Variants in CAPN5 observed in about 807,000 individuals in gnomAD.
CAPN5 encodes calpain-5.
Under a neutral mutation model 73.0 loss-of-function variants are expected in CAPN5, and 54 were observed. The observed-to-expected ratio is 0.74, with a 90% confidence interval of 0.59 to 0.93. The LOEUF is 0.93. Ranked by LOEUF, CAPN5 falls within the 40% of genes least tolerant of loss-of-function variation. The pLI, the probability that CAPN5 is intolerant of heterozygous loss-of-function variation, is 0.00. For synonymous variants in CAPN5, 335 were observed against 356.9 expected (o/e 0.94, Z 0.69); for missense variants, 785 against 882.9 (o/e 0.89, Z 1.41).
At chr11:77,086,158 C>T (rs1437758518) in intron 2 of CAPN5, among the ~76,000 whole-genome samples, 1 of 152,174 alleles carries the variant, frequency 6.6e-6, no homozygotes, top group African/African-American at 2.4e-5. Flanking sequence ...GTAGTGAGGT[C>T]CCGCGAAGGC....
At chr11:77,081,656 G>C (rs1354902724) in intron 1 of CAPN5, among the ~76,000 whole-genome samples, 1 of 152,194 alleles carries the variant, frequency 6.6e-6, no homozygotes, top group Non-Finnish European at 1.5e-5. Context: ...GTGAGGTAAT[G>C]CGGCCTGCTC....
At position 77,122,012 on chromosome 11, in the gene CAPN5, T is replaced by C. The variant is rs781932053; in HGVS notation, c.1566T>C (p.His522=). The change falls in exon 11 of 13, where the codon CAT becomes CAC. Residue 522 remains histidine (H), a synonymous_variant. Coordinates refer to ENST00000648180, the MANE Select transcript of CAPN5 (RefSeq NM_004055.5). ...ACCCCCAGCTGGTGACCCAGGTACA[T>C]GTCCTGGGAGCTGCTGGCCTCAAGG... ...CGYPQLVTQV[H]VLGAAGLKDS... The C allele has an allele frequency of 2.6e-6, 4 of 1,561,032 alleles. No individual in the cohort carries two copies. The African/African-American group carries it at 4.1e-5, about 16-fold the overall frequency.
chr11:77,068,270 G>A (rs563451738), intron 1 of CAPN5, among the ~76,000 whole-genome samples: 1 of 152,116 alleles, frequency 6.6e-6, no homozygotes, highest in Admixed American at 6.5e-5. Flanking sequence ...CTGCAGGCCA[G>A]GTCAGGCTAG....
intron 3 of CAPN5, among the ~76,000 whole-genome samples, chr11:77,109,065 G>A (rs1950383376): frequency 6.6e-6 from 1 of 152,202 alleles, no homozygotes; most frequent in Admixed American, 6.5e-5. Flanking sequence ...AGCTCCAGAA[G>A]CTCATACGGT....
intron 10 of CAPN5, among the ~76,000 whole-genome samples, chr11:77,121,137 A>G (rs1950517036): frequency 6.6e-6 from 1 of 152,212 alleles, no homozygotes; most frequent in Admixed American, 6.5e-5. Flanking sequence ...ACAGTTGACA[A>G]AGAAGCTTTC....
intron 2 of CAPN5, among the ~76,000 whole-genome samples, chr11:77,089,698 C>T (rs528469352): frequency 6.6e-6 from 1 of 152,164 alleles, no homozygotes; most frequent in Non-Finnish European, 1.5e-5. Flanking sequence ...CATAGTGAAA[C>T]CCTGTCTCTA....
chr11:77,088,488 G>A (rs1332238607), intron 2 of CAPN5, among the ~76,000 whole-genome samples: 1 of 152,120 alleles, frequency 6.6e-6, no homozygotes, highest in Non-Finnish European at 1.5e-5. Context: ...GCCTTGAAGG[G>A]TGCGGACTGC....
chr11:77,120,689 C>A lies in CAPN5; in HGVS notation c.1291-24C>A, dbSNP rs782518935. 8 of 1,577,352 alleles carry A rather than the reference C, an allele frequency of 5.1e-6. 1 individual carries two copies. The highest frequency in any genetic ancestry group is 3.4e-5 in the South Asian group (3 of 87,642). ...TGTTGTAGGGTGTGTCTCCGCGTGG[C>A]CCAGCCCCTCCCGCCTCCTGCAGGT... is the stretch of plus-strand genomic sequence containing the variant. On this transcript the variant is annotated intron_variant, in intron 9 of 12. Coordinates refer to ENST00000648180, the MANE Select transcript of CAPN5 (RefSeq NM_004055.5).
chr11:77,088,110 A>G (rs1950109500), intron 2 of CAPN5: 1 of 1,488,176 alleles, frequency 6.7e-7, no homozygotes, highest in Non-Finnish European at 8.9e-7. Flanking sequence ...CTCATCCAGC[A>G]TGCTGTCTCT....
rs1555042280 is a variant in CAPN5, at chr11:77,119,147, T to C, written c.1285T>C (p.Tyr429His). 6.2e-6 allele frequency: 10 copies of C among 1,610,872 alleles called. No homozygotes were observed. The highest frequency in any genetic ancestry group is 8.5e-6 in the Non-Finnish European group (10 of 1,178,716). Residue 429 changes from tyrosine (Y) to histidine (H), a missense_variant, in exon 9 of 13, where the codon TAC becomes CAC. Tyr to His is a moderately conservative substitution (Grantham distance 83). Coordinates refer to ENST00000648180, the MANE Select transcript of CAPN5 (RefSeq NM_004055.5). ...GENLAIGFDI[Y>H]KVEENRQYRM... ...GAACCTGGCCATTGGCTTTGACATC[T>C]ACAAGGTGAGGCCAGCCGGGTCCCC...
chr11:77,122,807 G>A (rs1950536725), intron 12 of CAPN5, 95 bp downstream of exon 12: 1 of 1,515,070 alleles, frequency 6.6e-7, no homozygotes, highest in Middle Eastern at 2.4e-4. Flanking sequence ...CTCTGACGAG[G>A]ACCCAGGCAT....
intron 9 of CAPN5, 84 bp from the exon 10 acceptor site, chr11:77,120,629 C>A: frequency 1.2e-6 from 1 of 841,484 alleles, no homozygotes; most frequent in East Asian, 2.5e-5. Context: ...ATCGTCCCTT[C>A]CATGGTGGTG....
chr11:77,087,870 G>A (rs1434586287), intron 2 of CAPN5: 2 of 1,533,314 alleles, frequency 1.3e-6, no homozygotes, highest in Non-Finnish European at 1.7e-6. Context: ...GTCCTCTTGG[G>A]TGCCGACCTG....
At chr11:77,070,648 AT>A (rs1555032892) in intron 1 of CAPN5, among the ~76,000 whole-genome samples, 1 of 152,190 alleles carries the variant, frequency 6.6e-6, no homozygotes, top group African/African-American at 2.4e-5. Context: ...TTCCTTTCCT[AT>A]CACTGTTGCG....
chr11:77,122,236 C>A (rs1555042951), intron 11 of CAPN5, among the ~76,000 whole-genome samples, 187 bp downstream of exon 11: 1 of 152,186 alleles, frequency 6.6e-6, no homozygotes, highest in South Asian at 2.1e-4. Context: ...TCTCAGGAGG[C>A]TTCCAGCTGG....
In CAPN5 at chr11:77,121,999, T is replaced by C; in HGVS notation, c.1553T>C (p.Val518Ala). The change falls in exon 11 of 13, where the codon GTG becomes GCG. Residue 518 changes from valine to alanine, a missense_variant. Coordinates refer to ENST00000648180, the MANE Select transcript of CAPN5 (RefSeq NM_004055.5). ...WSSLCGYPQLVTQVHVLGAAG... is the reference protein window; with the variant it reads ...WSSLCGYPQLATQVHVLGAAG... ...TCCCTCTGTGGCTACCCCCAGCTGG[T>C]GACCCAGGTACATGTCCTGGGAGCT... 2 of 1,563,216 alleles carry C rather than the reference T, an allele frequency of 1.3e-6. No homozygotes were observed. The highest frequency in any genetic ancestry group is 1.7e-6 in the Non-Finnish European group (2 of 1,153,408).
rs374001682 is a variant in CAPN5 at position 77,115,354 on chromosome 11, A to T, written c.700-41A>T. 7.1e-6 allele frequency: 11 copies of T among 1,539,116 alleles called. No homozygotes were observed. The African/African-American group carries it at 1.4e-4, about 19-fold the overall frequency. ...CACCTGAGTCCCTGGTCTGGGTTCC[A>T]GTGTGGCCCTGCCTCTCTGAGCAAC... On this transcript the variant is annotated intron_variant, in intron 5 of 12. Transcript: ENST00000648180.
chr11:77,073,017 A>G (rs910202868), intron 1 of CAPN5: 1 of 1,154,812 alleles, frequency 8.7e-7, no homozygotes, highest in Non-Finnish European at 1.2e-6. Flanking sequence ...GGAGTGAGCG[A>G]GCACACAGCC....
intron 11 of CAPN5, 41 bp from the exon 12 acceptor site, chr11:77,122,535 C>CCCCCCCCCCCCGCACCCCCG: frequency 8.0e-7 from 1 of 1,255,176 alleles, no homozygotes; most frequent in Non-Finnish European, 1.1e-6. Context: ...GCCACAGCCC[C>CCCCCCCCCCCCGCACCCCCG]CACCCCCACC....
Sources: gnomAD v4.1 joint callset for allele counts (sites outside exome capture counted in the v4.1 genomes callset) on GRCh38, gnomAD v4.1.1 for gene constraint, MANE v1.5 for transcripts, NCBI Gene and HGNC (gene_info 2026-07-23, HGNC 2026-07-21) for gene names.